Variants in APP observed in about 807,000 individuals in gnomAD.
APP encodes amyloid-beta precursor protein.
In APP, 31 loss-of-function variants were observed where a neutral mutation model predicts 101.4. That is an observed-to-expected ratio of 0.31 (90% CI 0.23 to 0.41). The LOEUF is 0.41. APP is among the 10% of genes least tolerant of loss of function. APP has a pLI of 1.00. For synonymous variants in APP, 366 were observed against 364.4 expected, an observed-to-expected ratio of 1.00 and a Z score of -0.05; for missense variants, 839 against 1,003.7, an observed-to-expected ratio of 0.84 and a Z score of 2.22.
chr21:25,943,313 G>T (rs898506537), intron 13 of APP, among the ~76,000 whole-genome samples: 5 of 151,874 alleles, frequency 3.3e-5, no homozygotes, highest in African/African-American at 4.8e-5. Context: ...GCACCACCAC[G>T]CCTGGATAAT....
chr21:25,961,765 T>G (rs966312219), intron 11 of APP, among the ~76,000 whole-genome samples: 3 of 152,204 alleles, frequency 2.0e-5, no homozygotes, highest in African/African-American at 7.2e-5. Flanking sequence ...GTTATCTCTA[T>G]AGAAACATAT....
At position 25,881,786 on chromosome 21, in the gene APP, G is replaced by A. The variant is rs1410825490; in HGVS notation, c.2212-15C>T. On this transcript the variant is annotated splice_polypyrimidine_tract_variant and intron_variant, in intron 17 of 17. Transcript: ENST00000346798. ...GCGGCGTCAACCTGAAAAACAAGAG[G>A]AGAGCTGAGTAAAAAATAAAAATCA... The A allele has an allele frequency of 6.2e-7, 1 of 1,610,770 alleles. No homozygotes were observed.
intron 13 of APP, among the ~76,000 whole-genome samples, chr21:25,914,035 G>A (rs1252396884): frequency 6.6e-6 from 1 of 151,968 alleles, no homozygotes; most frequent in Admixed American, 6.6e-5. Flanking sequence ...CACTTGGTAG[G>A]TACACAACTG....
intron 1 of APP, among the ~76,000 whole-genome samples, chr21:26,150,834 G>A (rs144411221): frequency 8.2e-4 from 125 of 152,342 alleles, no homozygotes; most frequent in African/African-American, 2.9e-3. Flanking sequence ...GATGTTGATA[G>A]TGTAAGAATT....
chr21:25,961,302 A>G (rs1389260464), intron 11 of APP, among the ~76,000 whole-genome samples: 1 of 152,206 alleles, frequency 6.6e-6, no homozygotes, highest in Non-Finnish European at 1.5e-5. Context: ...CTAAAAATGC[A>G]TAACACTAAG....
chr21:26,145,914 A>T (rs1036754356), intron 1 of APP, among the ~76,000 whole-genome samples: 1 of 130,980 alleles, frequency 7.6e-6, no homozygotes, highest in African/African-American at 3.2e-5. Context: ...ACTGTATAAG[A>T]GTTTTTTAAA....
intron 7 of APP, among the ~76,000 whole-genome samples, chr21:25,997,638 T>C (rs1482145098): frequency 6.6e-6 from 1 of 152,188 alleles, no homozygotes; most frequent in African/African-American, 2.4e-5. Flanking sequence ...TGATAGTATA[T>C]CCGAGTAACA....
At chr21:26,119,251 T>C (rs1308231391) in intron 1 of APP, among the ~76,000 whole-genome samples, 2 of 152,198 alleles carry the variant, frequency 1.3e-5, no homozygotes, top group East Asian at 3.9e-4. Context: ...TTTCAAGTAA[T>C]TTTTCCCCCA....
chr21:26,055,035 A>G (rs1453143661), intron 3 of APP, among the ~76,000 whole-genome samples: 1 of 152,198 alleles, frequency 6.6e-6, no homozygotes, highest in Non-Finnish European at 1.5e-5. Context: ...TAAGCAAATC[A>G]TAGGGGAGAA....
In APP at chr21:25,955,747, G is replaced by T. The variant is rs1214877315; in HGVS notation, c.1467C>A (p.His489Gln). The change falls in exon 12 of 18, where the codon CAC becomes CAA. Residue 489 changes from histidine (H) to glutamine (Q), a missense_variant. By Grantham distance (24) the His-to-Gln change is conservative (BLOSUM62 0). Transcript: ENST00000346798. ...ALQAVPPRPR[H>Q]VFNMLKKYVR... is the part of the protein sequence containing the mutation. ...CATACTTCTTTAGCATATTGAACAC[G>T]TGACGAGGCTGTGGGAGGAAAATGA... 1.2e-6 allele frequency: 2 copies of T among 1,614,120 alleles called. No individual in the cohort carries two copies. Among genetic ancestry groups the T allele is most frequent in the Non-Finnish European group, 8.5e-7 (1 of 1,180,002 alleles).
intron 8 of APP, among the ~76,000 whole-genome samples, chr21:25,994,026 G>A (rs1464144648): frequency 6.6e-6 from 1 of 152,204 alleles, no homozygotes; most frequent in African/African-American, 2.4e-5. Context: ...ATCACATGGT[G>A]CAATCTGCTG....
At position 25,900,987 on chromosome 21, in the gene APP, C is replaced by CAAAA. The variant is rs71183520; in HGVS notation, c.1964-3318_1964-3315dup. Among the ~76,000 whole-genome samples, 67 of 118,578 alleles carry CAAAA rather than the reference C, an allele frequency of 5.7e-4. 2 individuals are homozygous for CAAAA. Among genetic ancestry groups the CAAAA allele is most frequent in the African/African-American group, 3.0e-3 (63 of 21,290 alleles). The allele number at this position is 118,578 out of a possible 152,430, so 77.8% of individuals were successfully genotyped here. ...TGGGCGACAGAGTGAGACTCCATCT[C>CAAAA]AAAAAAAAAAAAAAAAAGAATGAGC... On this transcript the variant is annotated intron_variant, in intron 15 of 17. Transcript: ENST00000346798.
chr21:26,072,013 G>A (rs887749070), intron 3 of APP, among the ~76,000 whole-genome samples: 26 of 152,116 alleles, frequency 1.7e-4, no homozygotes, highest in Admixed American at 1.4e-3. Flanking sequence ...CAGGGCCTTC[G>A]CTTTTAAGTT....
intron 5 of APP, among the ~76,000 whole-genome samples, chr21:26,034,511 G>A (rs995143500): frequency 2.6e-5 from 4 of 151,422 alleles, no homozygotes; most frequent in African/African-American, 7.3e-5. Context: ...GCATGGTGGC[G>A]GGCGCCTATA....
chr21:26,013,807 T>C (rs1429294550), intron 6 of APP, among the ~76,000 whole-genome samples: 3 of 152,174 alleles, frequency 2.0e-5, no homozygotes, highest in Non-Finnish European at 4.4e-5. Flanking sequence ...CCTAATTATC[T>C]GAGTGGGCTT....
At chr21:26,033,786 A>C (rs569099013) in intron 5 of APP, among the ~76,000 whole-genome samples, 1 of 152,326 alleles carries the variant, frequency 6.6e-6, no homozygotes, top group African/African-American at 2.4e-5. Flanking sequence ...CCTACTGAGA[A>C]CTTGGATAAA....
chr21:26,110,389 T>A (rs2036360659), intron 2 of APP, among the ~76,000 whole-genome samples: 2 of 152,000 alleles, frequency 1.3e-5, no homozygotes, highest in South Asian at 4.1e-4. Context: ...GAGGTTGCAG[T>A]AAGCTGAGAT....
intron 1 of APP, among the ~76,000 whole-genome samples, chr21:26,149,069 T>G (rs1303864510): frequency 6.6e-6 from 1 of 152,216 alleles, no homozygotes; most frequent in African/African-American, 2.4e-5. Flanking sequence ...CAGAACTTCC[T>G]GCAGGAGAGG....
At chr21:26,057,083 T>G (rs2046071909) in intron 3 of APP, among the ~76,000 whole-genome samples, 1 of 152,244 alleles carries the variant, frequency 6.6e-6, no homozygotes, top group Non-Finnish European at 1.5e-5. Context: ...AAACTGTACT[T>G]TCTACTCAAA....
Sources: gnomAD v4.1 joint callset for allele counts (sites outside exome capture counted in the v4.1 genomes callset) on GRCh38, gnomAD v4.1.1 for gene constraint, MANE v1.5 for transcripts, NCBI Gene and HGNC (gene_info 2026-07-23, HGNC 2026-07-21) for gene names.